APOO: variants seen among roughly 807,000 people sequenced by gnomAD.
The protein encoded by APOO is MICOS complex subunit MIC26.
Under a neutral mutation model 23.1 loss-of-function variants are expected in APOO, and 11 were observed. The observed-to-expected ratio is 0.48, with a 90% CI of 0.30 to 0.79. The LOEUF (loss-of-function observed/expected upper bound fraction) is 0.79. Ranked by LOEUF, APOO falls within the 30% of genes least tolerant of loss-of-function variation. The pLI, the probability that APOO is intolerant of heterozygous loss-of-function variation, is 0.07. For missense variants in APOO, 160 were observed against 142.7 expected, an observed-to-expected ratio of 1.12 and a Z score of -0.62; for synonymous variants, 59 against 54.8, an observed-to-expected ratio of 1.08 and a Z score of -0.34.
At position 23,858,646 on chromosome X, in the gene APOO, G is replaced by A. The variant is rs763850598; in HGVS notation, c.476C>T (p.Ala159Val). 6.6e-6 allele frequency: 8 copies of A among 1,207,311 alleles called. No homozygotes were observed. The African/African-American group carries it at 8.8e-5, about 13-fold the overall frequency. Residue 159 changes from alanine to valine, a missense_variant, in exon 6 of 9, where the codon GCC becomes GTC. Transcript: ENST00000379226. ...GGATTACAGAGTTTCTCTTACCTGG[G>A]CAAACACGATGGCTTGTTGTGGATA... Reference protein sequence around the residue: ...LYYPQQAIVFAQVSGERLYDW... With the variant: ...LYYPQQAIVFVQVSGERLYDW...
intron 4 of APOO, among the ~76,000 whole-genome samples, chrX:23,870,380 G>A (rs1053778504): frequency 8.9e-6 from 1 of 111,884 alleles, no homozygotes; most frequent in East Asian, 2.8e-4. Flanking sequence ...TTATTCAGGT[G>A]TATATCTGGT....
intron 5 of APOO, among the ~76,000 whole-genome samples, chrX:23,861,935 CT>C (rs1925065233): frequency 9.2e-6 from 1 of 108,459 alleles, no homozygotes; most frequent in Non-Finnish European, 1.9e-5. Context: ...TCCTGAGTAG[CT>C]AGGATTACAG....
chrX:23,863,945 T>C (rs945809228), intron 5 of APOO, among the ~76,000 whole-genome samples: 5 of 110,493 alleles, frequency 4.5e-5, no homozygotes, highest in East Asian at 5.6e-4. Flanking sequence ...AGGCATAGTG[T>C]TTTTTGCTGT....
chrX:23,890,309 T>C (rs1926599245), intron 1 of APOO, among the ~76,000 whole-genome samples: 1 of 111,901 alleles, frequency 8.9e-6, no homozygotes, highest in African/African-American at 3.3e-5. Context: ...ATTCCCTCTC[T>C]AACAACTACC....
intron 1 of APOO, among the ~76,000 whole-genome samples, chrX:23,901,914 T>C: frequency 8.9e-6 from 1 of 112,343 alleles, no homozygotes; most frequent in Non-Finnish European, 1.9e-5. Flanking sequence ...ACTCTCACAC[T>C]TCTGTGTCCT....
At chrX:23,888,736 G>C (rs1418352975) in intron 1 of APOO, among the ~76,000 whole-genome samples, 1 of 106,900 alleles carries the variant, frequency 9.4e-6, no homozygotes, top group Non-Finnish European at 1.9e-5. Flanking sequence ...TGTAGTCCCA[G>C]CTACTCGGGA....
chrX:23,895,813 A>C (rs748975693), intron 1 of APOO, among the ~76,000 whole-genome samples: 2 of 108,389 alleles, frequency 1.8e-5, no homozygotes, highest in African/African-American at 3.4e-5. Context: ...TTGGTCAATA[A>C]TAAGATTATC....
chrX:23,880,903 T>C lies in APOO; in HGVS notation c.59A>G (p.Lys20Arg), dbSNP rs1455539263. ...GPASLSLLTF[K>R]VYAAPKKDSP... Reference sequence around the variant, plus strand: ...GTCCTTTTTTGGTGCTGCATAGACTTTGAAGGTGAGCAAGCTCAGGCTGGC... The same window carrying C: ...GTCCTTTTTTGGTGCTGCATAGACTCTGAAGGTGAGCAAGCTCAGGCTGGC... The change falls in exon 2 of 9, where the codon AAA becomes AGA. Residue 20 changes from lysine (K) to arginine (R), a missense_variant. Coordinates refer to ENST00000379226, the MANE Select transcript of APOO (RefSeq NM_024122.5). The C allele has an allele frequency of 2.5e-6, 3 of 1,187,318 alleles. No homozygotes were observed. Among genetic ancestry groups the C allele is most frequent in the African/African-American group, 1.8e-5 (1 of 55,889 alleles).
chrX:23,865,477 G>A (rs1179841301), intron 5 of APOO, among the ~76,000 whole-genome samples: 1 of 109,809 alleles, frequency 9.1e-6, no homozygotes, highest in Non-Finnish European at 1.9e-5. Flanking sequence ...GGTGGTGCAC[G>A]CCTGTAGTCC....
chrX:23,862,542 G>A (rs947516746), intron 5 of APOO, among the ~76,000 whole-genome samples: 9 of 107,846 alleles, frequency 8.3e-5, no homozygotes, highest in African/African-American at 2.7e-4. Flanking sequence ...TTGGGAGGCT[G>A]AAGAAGGAAG....
intron 3 of APOO, 78 bp from the exon 4 acceptor site, chrX:23,874,535 G>A: frequency 1.2e-6 from 1 of 819,311 alleles, no homozygotes. Context: ...AAATATACTT[G>A]TTTTTACTGA....
intron 3 of APOO, among the ~76,000 whole-genome samples, chrX:23,876,195 G>A (rs893876418): frequency 1.5e-4 from 17 of 110,451 alleles, no homozygotes; most frequent in Non-Finnish European, 3.2e-4. Flanking sequence ...ACCCAGAGGC[G>A]GTGCTTGCGG....
chrX:23,877,610 C>A (rs1441301988), intron 3 of APOO, among the ~76,000 whole-genome samples: 1 of 110,282 alleles, frequency 9.1e-6, no homozygotes, highest in African/African-American at 3.3e-5. Context: ...TCTGCCTCTA[C>A]GATAAATACA....
At chrX:23,838,648 G>GAC (rs1241773367) in intron 8 of APOO, among the ~76,000 whole-genome samples, 1 of 108,599 alleles carries the variant, frequency 9.2e-6, no homozygotes, top group Non-Finnish European at 1.9e-5. Context: ...TCGATCTCTC[G>GAC]ACCTCGTGAT....
At chrX:23,893,488 C>T (rs1926765448) in intron 1 of APOO, among the ~76,000 whole-genome samples, 1 of 110,936 alleles carries the variant, frequency 9.0e-6, no homozygotes, top group South Asian at 3.8e-4. Flanking sequence ...ATTCTTGAAA[C>T]GTCAAAAGAA....
intron 8 of APOO, among the ~76,000 whole-genome samples, chrX:23,835,003 G>A (rs765613685): frequency 2.9e-5 from 3 of 103,973 alleles, no homozygotes; most frequent in Admixed American, 1.1e-4. Flanking sequence ...GATTACAGCC[G>A]TGAGCCACCA....
rs752790853 is a variant in APOO at position 23,893,140 on chromosome X, G to A, written c.10-12188C>T. Among the ~76,000 whole-genome samples, 7 of 109,876 alleles carry A rather than the reference G, an allele frequency of 6.4e-5. No homozygotes were observed. In the East Asian group the frequency reaches 1.2e-3, roughly 18 times the overall value. Reference sequence around the variant, plus strand: ...TGAATGAAAAATCAAGAGAAAGGCCGGGCGCGGTGGCTCACGCCTGTAATC... The same window carrying A: ...TGAATGAAAAATCAAGAGAAAGGCCAGGCGCGGTGGCTCACGCCTGTAATC... On this transcript the variant is annotated intron_variant, in intron 1 of 8. Coordinates refer to ENST00000379226, the MANE Select transcript of APOO (RefSeq NM_024122.5).
intron 1 of APOO, among the ~76,000 whole-genome samples, chrX:23,896,222 G>A (rs1429804382): frequency 1.8e-5 from 2 of 109,725 alleles, no homozygotes; most frequent in African/African-American, 6.6e-5. Flanking sequence ...GAACGAAGAT[G>A]GCGCCACTGC....
chrX:23,876,279 T>TA (rs1481928545), intron 3 of APOO, among the ~76,000 whole-genome samples: 29 of 105,632 alleles, frequency 2.7e-4, no homozygotes, highest in African/African-American at 9.6e-4. Context: ...ATAAAAAAAA[T>TA]AAAAATAAAA....
Sources: allele counts gnomAD v4.1 joint callset (sites outside exome capture counted in the v4.1 genomes callset), GRCh38; gene constraint gnomAD v4.1.1; transcripts MANE v1.5; gene names NCBI Gene and HGNC (gene_info 2026-07-23, HGNC 2026-07-21).